Variants in CYP2F1 observed in about 807,000 individuals in gnomAD.
CYP2F1 encodes the protein cytochrome P450 family 2 subfamily F member 1, also known as cytochrome P450 2F1.
Under a neutral mutation model 40.4 loss-of-function variants are expected in CYP2F1, and 33 were observed. That is an observed-to-expected ratio of 0.82 (90% CI 0.62 to 1.09). The LOEUF (loss-of-function observed/expected upper bound fraction) is 1.09. Among genes scored for constraint, CYP2F1 ranks in the 50% least tolerant of loss-of-function variants. The probability of loss-of-function intolerance (pLI) is 0.00; values close to 1 mark genes in which losing one functional copy is unlikely to be tolerated. For synonymous variants in CYP2F1, 235 were observed against 277.2 expected, an observed-to-expected ratio of 0.85 and a Z score of 1.51; for missense variants, 566 against 655.7, an observed-to-expected ratio of 0.86 and a Z score of 1.49.
Position 41,124,705 on chromosome 19 carries a change from CG to C in CYP2F1, c.965-13del, listed in dbSNP as rs761019432. The C allele has an allele frequency of 1.9e-6, 3 of 1,596,762 alleles. No homozygotes were observed. Among genetic ancestry groups the C allele is most frequent in the Non-Finnish European group, 2.5e-6 (3 of 1,177,560 alleles). ...CGCTGATACCCTCGACCCCGCTTCCCGCTTCCTCTCCAGCCCGCGTGCAGGA... is the reference window on the plus strand; with the variant it reads ...CGCTGATACCCTCGACCCCGCTTCCCCTTCCTCTCCAGCCCGCGTGCAGGA... On this transcript the variant is annotated splice_polypyrimidine_tract_variant and intron_variant, in intron 7 of 9. Coordinates refer to ENST00000331105, the MANE Select transcript of CYP2F1 (RefSeq NM_000774.5).
chr19:41,120,370 C>T lies in CYP2F1; in HGVS notation c.358C>T (p.Arg120Ter), dbSNP rs1349532357. Residue 120 changes from arginine (R) to a stop codon, truncating the protein, a stop_gained, in exon 4 of 10, where the codon CGA becomes TGA. Transcript: ENST00000331105. LOFTEE classifies it high-confidence loss of function. The stretch of plus-strand genomic sequence containing the variant: ...AGGCATCGCCTTCTCCAGTGGGGAT[C>T]GATGGAAGGTCCTGAGACAGTTCTC... ...GNGIAFSSGD[R>*]WKVLRQFSIQ... The T allele has an allele frequency of 4.4e-6, 7 of 1,608,904 alleles. No homozygotes were observed. The highest frequency in any genetic ancestry group is 1.3e-5 in the African/African-American group (1 of 74,548).
intron 3 of CYP2F1, 86 bp downstream of exon 3, chr19:41,116,703 G>A (rs1599668864): frequency 2.0e-6 from 3 of 1,469,180 alleles, no homozygotes; most frequent in African/African-American, 1.4e-5. Context: ...TCTCAATCTT[G>A]TTGACACTCA....
intron 9 of CYP2F1, among the ~76,000 whole-genome samples, chr19:41,126,929 A>G (rs1257433276): frequency 1.3e-5 from 2 of 152,106 alleles, no homozygotes; most frequent in Non-Finnish European, 2.9e-5. Flanking sequence ...TACCCTGCTG[A>G]AAAACTCCCT....
At position 41,125,810 on chromosome 19, in the gene CYP2F1, C is replaced by T. The variant is rs1351377917; in HGVS notation, c.1294+176C>T. On this transcript the variant is annotated intron_variant, in intron 9 of 9. Coordinates refer to ENST00000331105, the MANE Select transcript of CYP2F1 (RefSeq NM_000774.5). ...ATAGGCAAGTAGTGACTAAAATCCT[C>T]GTGAAGCAAGGTGGGGAGGTTGATT... 2.5e-5 allele frequency: 35 copies of T among 1,420,686 alleles called. No individual in the cohort carries two copies. In the East Asian group the frequency reaches 5.5e-4, roughly 22 times the overall value. The allele number at this position is 1,420,686 out of a possible 1,614,324, so 88.0% of individuals were successfully genotyped here.
In CYP2F1 at chr19:41,121,592, C is replaced by A. The variant is rs544565058; in HGVS notation, c.619C>A (p.Gln207Lys). 2.7e-5 allele frequency: 43 copies of A among 1,610,350 alleles called. No homozygotes were observed. In the South Asian group the frequency reaches 4.1e-4, roughly 15 times the overall value. ...TATCCGCCTTATCAATGACAACTTC[C>A]AAATCATGAGCAGCCCCTGGGGCGA... ...TIIRLINDNF[Q>K]IMSSPWGELY... is the part of the protein sequence containing the mutation. The change falls in exon 5 of 10, where the codon CAA (glutamine) becomes AAA (lysine). Residue 207 changes from glutamine to lysine, a missense_variant. This residue lies in a region of CYP2F1 where 264 missense variants were observed against 275.7 expected (regional missense o/e 0.96). Coordinates refer to ENST00000331105, the MANE Select transcript of CYP2F1 (RefSeq NM_000774.5).
chr19:41,127,372 G>C (rs951781285), intron 9 of CYP2F1, among the ~76,000 whole-genome samples: 10 of 152,248 alleles, frequency 6.6e-5, no homozygotes, highest in East Asian at 3.9e-4. Flanking sequence ...GGGTCTTGCT[G>C]TCACCCAGGC....
intron 7 of CYP2F1, chr19:41,123,298 T>C (rs1397252068): frequency 9.6e-6 from 4 of 414,984 alleles, no homozygotes; most frequent in Non-Finnish European, 9.6e-6. Context: ...CCCTCCCGAG[T>C]TCAAGGGATT....
intron 3 of CYP2F1, among the ~76,000 whole-genome samples, chr19:41,118,245 G>A (rs1280336203): frequency 6.6e-6 from 1 of 151,268 alleles, no homozygotes; most frequent in African/African-American, 2.4e-5. Flanking sequence ...GAAGGAAGGA[G>A]GAAGAAAGGA....
At chr19:41,116,032 C>A in intron 1 of CYP2F1, 146 bp from the exon 2 acceptor site, 1 of 671,828 alleles carries the variant, frequency 1.5e-6, no homozygotes, top group Non-Finnish European at 2.5e-6. Flanking sequence ...CTCCTTTCTC[C>A]CTCCCTTCCC....
At chr19:41,119,544 C>G (rs531110355) in intron 3 of CYP2F1, among the ~76,000 whole-genome samples, 115 of 151,718 alleles carry the variant, frequency 7.6e-4, no homozygotes, top group African/African-American at 2.7e-3. Context: ...GTCAGGAGAT[C>G]GAGACCATCC....
At chr19:41,123,766 C>A (rs111783143) in intron 7 of CYP2F1, among the ~76,000 whole-genome samples, 4 of 152,152 alleles carry the variant, frequency 2.6e-5, no homozygotes, top group African/African-American at 9.7e-5. Flanking sequence ...TCAAGCAATC[C>A]TCTCACCTTG....
At chr19:41,123,845 G>C (rs1257534972) in intron 7 of CYP2F1, among the ~76,000 whole-genome samples, 1 of 152,036 alleles carries the variant, frequency 6.6e-6, no homozygotes, top group African/African-American at 2.4e-5. Flanking sequence ...GTCTTGCTTT[G>C]TGCCGAGTGC....
chr19:41,121,211 G>A (rs2032177690), intron 4 of CYP2F1, among the ~76,000 whole-genome samples: 1 of 152,012 alleles, frequency 6.6e-6, no homozygotes, highest in Non-Finnish European at 1.5e-5. Context: ...AGAATAGCCC[G>A]TTCTGTGGTT....
chr19:41,124,128 C>T (rs558148165), intron 7 of CYP2F1, among the ~76,000 whole-genome samples: 1 of 152,034 alleles, frequency 6.6e-6, no homozygotes, highest in African/African-American at 2.4e-5. Context: ...GGATTCCAGG[C>T]CTCCCTGAAG....
chr19:41,114,657 T>C (rs28447222), intron 1 of CYP2F1, among the ~76,000 whole-genome samples, 165 bp downstream of exon 1: 16,629 of 152,124 alleles, frequency 0.11, 1,201 homozygotes, highest in African/African-American at 0.18. Context: ...TCTTTACTGG[T>C]GCTTCACCAA....
Position 41,120,477 on chromosome 19 carries a change from G to A in CYP2F1, c.465G>A (p.Ala155=), listed in dbSNP as rs146478117. ...RILEEGSFLL[A]ELRKTEGEPF... is the part of the protein sequence containing the mutation. The stretch of plus-strand genomic sequence containing the variant: ...TAGAGGAGGGCAGCTTCCTGCTGGC[G>A]GAGCTGCGGAAAACTGAAGGTCAGG... The change falls in exon 4 of 10, where the codon GCG becomes GCA. Residue 155 remains alanine, a synonymous_variant. Coordinates refer to ENST00000331105, the MANE Select transcript of CYP2F1 (RefSeq NM_000774.5). 38 of 1,613,060 alleles carry A rather than the reference G, an allele frequency of 2.4e-5. No homozygotes were observed. The African/African-American group carries it at 3.7e-4, about 16-fold the overall frequency.
chr19:41,116,125 G>A (rs2031779546), intron 1 of CYP2F1, 53 bp from the exon 2 acceptor site: 1 of 1,425,734 alleles, frequency 7.0e-7, no homozygotes. Flanking sequence ...AGGGGAGATG[G>A]AAAGGAGGGA....
In CYP2F1 at chr19:41,117,133, A is replaced by G. The variant is rs572269024; in HGVS notation, c.334+516A>G. The stretch of plus-strand genomic sequence containing the variant: ...ATCCTAGTCCCTTTAGTCAAACTGA[A>G]TTTTTTTTTTTTATCTGAGATGAGT... On this transcript the variant is annotated intron_variant, in intron 3 of 9. Coordinates refer to ENST00000331105, the MANE Select transcript of CYP2F1 (RefSeq NM_000774.5). Among the ~76,000 whole-genome samples the G allele has an allele frequency of 8.2e-5, 12 of 147,028 alleles. No homozygotes were observed. In the East Asian group the frequency reaches 2.4e-3, roughly 29 times the overall value.
chr19:41,121,645 A>G (rs199600778), intron 5 of CYP2F1, 27 bp downstream of exon 5: 133,950 of 1,594,456 alleles, frequency 0.084, 7,675 homozygotes, highest in Admixed American at 0.18. Flanking sequence ...CAGCAGGGGC[A>G]GGGTGTGGGG....
Sources: allele counts gnomAD v4.1 joint callset (sites outside exome capture counted in the v4.1 genomes callset), GRCh38; gene constraint gnomAD v4.1.1; regional missense constraint gnomAD v4.1.1; transcripts MANE v1.5; gene names NCBI Gene and HGNC (gene_info 2026-07-23, HGNC 2026-07-21).